INPP4A: variants seen among roughly 807,000 people sequenced by gnomAD.
INPP4A encodes inositol polyphosphate-4-phosphatase type I A.
A neutral mutation model predicts 119.8 loss-of-function variants in INPP4A; 33 were observed. That is an observed-to-expected ratio of 0.28 (90% CI 0.21 to 0.37). INPP4A has a LOEUF of 0.37. INPP4A is among the 10% of genes least tolerant of loss of function. INPP4A has a pLI of 1.00. For missense variants in INPP4A, 956 were observed against 1,289.9 expected (o/e 0.74, Z 3.97); for synonymous variants, 496 against 500.7 (o/e 0.99, Z 0.12).
chr2:98,539,024 T>A, intron 9 of INPP4A, 43 bp downstream of exon 9: 1 of 1,236,644 alleles, frequency 8.1e-7, no homozygotes, highest in South Asian at 1.3e-5. Context: ...CTCTAGTGAG[T>A]ATCCACTTGG....
At position 98,563,630 on chromosome 2, in the gene INPP4A, G is replaced by A; in HGVS notation, c.2021G>A (p.Cys674Tyr). ...SLQYRRDVVF[C>Y]QTLTALICGF... ...CAGTACCGCCGTGACGTGGTCTTCT[G>A]CCAGACGGTAGGCCCCGGGAGCACC... Residue 674 changes from cysteine (C) to tyrosine (Y), a missense_variant, in exon 18 of 25, where the codon TGC becomes TAC. Cys to Tyr is a radical substitution (Grantham distance 194). This residue lies in a region of INPP4A where 304 missense variants were observed against 492.1 expected (regional missense o/e 0.62). Coordinates refer to ENST00000409851, the MANE Select transcript of INPP4A (RefSeq NM_001134225.2). 1 of 1,612,502 alleles carries A rather than the reference G, an allele frequency of 6.2e-7. No homozygotes were observed. The highest frequency in any genetic ancestry group is 8.5e-7 in the Non-Finnish European group (1 of 1,179,824).
chr2:98,520,922 C>T, intron 4 of INPP4A, 191 bp downstream of exon 4: 1 of 507,686 alleles, frequency 2.0e-6, no homozygotes, highest in Non-Finnish European at 3.4e-6. Flanking sequence ...CTTGGAGCCT[C>T]CGTGCCCACA....
intron 23 of INPP4A, among the ~76,000 whole-genome samples, chr2:98,574,701 G>T (rs1698123212): frequency 6.6e-6 from 1 of 151,968 alleles, no homozygotes; most frequent in South Asian, 2.1e-4. Flanking sequence ...GGTGGGGGAT[G>T]TGCGTTCACT....
chr2:98,541,373 T>C (rs2106021471), intron 10 of INPP4A, among the ~76,000 whole-genome samples: 1 of 152,058 alleles, frequency 6.6e-6, no homozygotes, highest in South Asian at 2.1e-4. Flanking sequence ...CACCTAGATA[T>C]CTTTCACCTA....
chr2:98,563,191 G>T (rs1695802259), intron 17 of INPP4A, among the ~76,000 whole-genome samples: 1 of 152,156 alleles, frequency 6.6e-6, no homozygotes, highest in African/African-American at 2.4e-5. Context: ...ATTGTCTTGA[G>T]TATTTCTGTT....
At chr2:98,542,162 A>G (rs1691587960) in intron 10 of INPP4A, among the ~76,000 whole-genome samples, 1 of 152,274 alleles carries the variant, frequency 6.6e-6, no homozygotes, top group African/African-American at 2.4e-5. Flanking sequence ...GGAAGCCACC[A>G]CATGAACACG....
At position 98,445,087 on chromosome 2, in the gene INPP4A, T is replaced by C. The variant is rs1477800167; in HGVS notation, c.-166+2T>C. On this transcript the variant is annotated splice_donor_variant, in intron 1 of 24. Coordinates refer to ENST00000409851, the MANE Select transcript of INPP4A (RefSeq NM_001134225.2). LOFTEE classifies it low-confidence loss of function (5UTR_SPLICE). ...GCGCCGGGGGCCGGGGAGCGCCAGG[T>C]AGGTGGGCCGGGCCGGGCAGGAGGC... is the stretch of plus-strand genomic sequence containing the variant. 3 of 148,282 alleles carry C rather than the reference T, an allele frequency of 2.0e-5. No individual in the cohort carries two copies. Among genetic ancestry groups the C allele is most frequent in the East Asian group, 2.0e-4 (1 of 5,032 alleles). 9.2% of individuals were successfully genotyped at this position (148,282 alleles called of 1,614,324 possible). A position where few individuals can be genotyped will look rare whatever the true frequency, so the allele number is the denominator to read the frequency against.
At position 98,572,879 on chromosome 2, in the gene INPP4A, G is replaced by T. The variant is rs1381820310; in HGVS notation, c.2583G>T (p.Val861=). 2.5e-6 allele frequency: 4 copies of T among 1,580,738 alleles called. No homozygotes were observed. The highest frequency in any genetic ancestry group is 3.4e-6 in the Non-Finnish European group (4 of 1,163,460). The change falls in exon 23 of 25, where the codon GTG becomes GTT. Residue 861 remains valine, a synonymous_variant. Transcript: ENST00000409851. The stretch of plus-strand genomic sequence containing the variant: ...TGCTGCGGTTTCTGGGTCAGAACGT[G>T]CATGCCCGGAAGAATAAGAACGTCG... ...PELLRFLGQN[V]HARKNKNVDI... is the part of the protein sequence containing the mutation.
chr2:98,473,775 C>T (rs74763937), intron 1 of INPP4A, among the ~76,000 whole-genome samples: 2,357 of 152,244 alleles, frequency 0.015, 69 homozygotes, highest in African/African-American at 0.054. Flanking sequence ...TTTTCCACTT[C>T]ACCAGGTGAT....
chr2:98,515,159 T>A (rs554143901), intron 1 of INPP4A, among the ~76,000 whole-genome samples: 98 of 152,330 alleles, frequency 6.4e-4, no homozygotes, highest in African/African-American at 2.2e-3. Context: ...TCTGAGGTTA[T>A]TATTAATAGT....
intron 23 of INPP4A, among the ~76,000 whole-genome samples, chr2:98,573,317 A>G (rs1022386922): frequency 2.0e-5 from 3 of 152,092 alleles, no homozygotes; most frequent in African/African-American, 7.2e-5. Context: ...TGTGCCTCTG[A>G]TCTCCTCATT....
intron 1 of INPP4A, among the ~76,000 whole-genome samples, chr2:98,447,642 C>T (rs1385782234): frequency 6.6e-6 from 1 of 152,040 alleles, no homozygotes. Flanking sequence ...TGTGGACATT[C>T]TGTTACACTG....
At position 98,589,812 on chromosome 2, in the gene INPP4A, C is replaced by T. The variant is rs1378386735; in HGVS notation, c.*2204C>T. The T allele has an allele frequency of 3.7e-5, 7 of 187,336 alleles. No individual in the cohort carries two copies. Among genetic ancestry groups the T allele is most frequent in the Non-Finnish European group, 7.9e-5 (7 of 88,910 alleles). The allele number at this position is 187,336 out of a possible 1,614,324, so 11.6% of individuals were successfully genotyped here. The stretch of plus-strand genomic sequence containing the variant: ...ACAGGTTACCGTAAAACAGAGGTTC[C>T]GTCCAGTGTTCCTTATGATGCCTCC... On this transcript the variant is annotated 3_prime_UTR_variant, in exon 25 of 25. Transcript: ENST00000409851.
At position 98,546,083 on chromosome 2, in the gene INPP4A, T is replaced by A. The variant is rs755663661; in HGVS notation, c.1054+10T>A. On this transcript the variant is annotated intron_variant, in intron 12 of 24. Transcript: ENST00000409851. This position sits in a 1 kb window ranked among gnomAD's most constrained non-coding sequence, Gnocchi z 4.2. ...GACGATGGAGGATCAGGTACCTATT[T>A]TTCTGCTCCCTCTTGTTGAATCACA... 3.3e-5 allele frequency: 51 copies of A among 1,541,402 alleles called. No individual in the cohort carries two copies. Among genetic ancestry groups the A allele is most frequent in the Non-Finnish European group, 4.4e-5 (50 of 1,132,940 alleles).
intron 1 of INPP4A, among the ~76,000 whole-genome samples, chr2:98,503,613 C>A (rs147585846): frequency 9.8e-5 from 15 of 152,352 alleles, no homozygotes; most frequent in African/African-American, 3.4e-4. Context: ...CTGTTGGATT[C>A]TTGCAGGCAG....
chr2:98,577,122 A>G lies in INPP4A; in HGVS notation c.2765A>G (p.Gln922Arg). 1.2e-6 allele frequency: 2 copies of G among 1,612,244 alleles called. No homozygotes were observed. The highest frequency in any genetic ancestry group is 1.7e-6 in the Non-Finnish European group (2 of 1,179,060). Reference sequence around the variant, plus strand: ...GGCATGGCCCCGCAGGTCTTCACCCAGGCCCTGGAGTGCATGCGCAGGTGA... The same window carrying G: ...GGCATGGCCCCGCAGGTCTTCACCCGGGCCCTGGAGTGCATGCGCAGGTGA... ...EHGMAPQVFT[Q>R]ALECMRSEGC... Residue 922 changes from glutamine to arginine, a missense_variant, in exon 24 of 25, where the codon CAG becomes CGG. Gln to Arg is a conservative substitution (Grantham distance 43, BLOSUM62 1). This residue lies in a region of INPP4A where 304 missense variants were observed against 492.1 expected (regional missense o/e 0.62). Transcript: ENST00000409851.
intron 1 of INPP4A, among the ~76,000 whole-genome samples, chr2:98,462,224 G>A (rs1312729764): frequency 6.6e-6 from 1 of 152,160 alleles, no homozygotes; most frequent in African/African-American, 2.4e-5. Context: ...CAAGGTGGGC[G>A]GATCATGAGG....
At chr2:98,478,896 C>T (rs1285382147) in intron 1 of INPP4A, among the ~76,000 whole-genome samples, 1 of 152,146 alleles carries the variant, frequency 6.6e-6, no homozygotes, top group African/African-American at 2.4e-5. Flanking sequence ...ATTGTTAGGA[C>T]TTAACTGGAA....
chr2:98,560,176 G>T (rs933104291), intron 17 of INPP4A, among the ~76,000 whole-genome samples: 2 of 152,142 alleles, frequency 1.3e-5, no homozygotes, highest in South Asian at 4.1e-4. Context: ...CCTGGGTATG[G>T]CTTGTGGTTT....
Sources: allele counts gnomAD v4.1 joint callset (sites outside exome capture counted in the v4.1 genomes callset), GRCh38; gene constraint gnomAD v4.1.1; regional missense constraint gnomAD v4.1.1; non-coding constraint Gnocchi (gnomAD v3.1); transcripts MANE v1.5; gene names NCBI Gene and HGNC (gene_info 2026-07-23, HGNC 2026-07-21).